SMURF2: variants seen among roughly 807,000 people sequenced by gnomAD.
The protein encoded by SMURF2 is SMAD specific E3 ubiquitin protein ligase 2, also known as E3 ubiquitin-protein ligase SMURF2.
Under a neutral mutation model 109.6 loss-of-function variants are expected in SMURF2, and 48 were observed. The ratio of observed to expected loss-of-function variants is 0.44; its 90% CI spans 0.35 to 0.56. The LOEUF is 0.56. Ranked by LOEUF, SMURF2 falls within the 20% of genes least tolerant of loss-of-function variation. The probability of loss-of-function intolerance (pLI) is 0.01; values close to 1 mark genes in which losing one functional copy is unlikely to be tolerated. For missense variants in SMURF2, 575 were observed against 909.0 expected, an observed-to-expected ratio of 0.63 and a Z score of 4.72; for synonymous variants, 288 against 317.1, an observed-to-expected ratio of 0.91 and a Z score of 0.97.
intron 1 of SMURF2, among the ~76,000 whole-genome samples, chr17:64,607,913 A>AGCCAAGATTGCACCACTGTACTAG (rs1568193425): frequency 6.6e-6 from 1 of 150,766 alleles, no homozygotes; most frequent in African/African-American, 2.4e-5. Context: ...GGAGGCTGCA[A>AGCCAAGATTGCACCACTGTACTAG]TGAGCCAAGA....
At chr17:64,646,578 T>A (rs1185953723) in intron 1 of SMURF2, among the ~76,000 whole-genome samples, 1 of 151,314 alleles carries the variant, frequency 6.6e-6, no homozygotes, top group African/African-American at 2.4e-5. Flanking sequence ...AGATGGAGTT[T>A]CACCATGTTG....
At chr17:64,633,083 C>A (rs896016191) in intron 1 of SMURF2, among the ~76,000 whole-genome samples, 1 of 152,146 alleles carries the variant, frequency 6.6e-6, no homozygotes, top group Non-Finnish European at 1.5e-5. Flanking sequence ...CCAGCCTGGG[C>A]AACCTGAGGA....
intron 8 of SMURF2, 42 bp from the exon 9 acceptor site, chr17:64,578,618 G>A (rs782554874): frequency 3.3e-5 from 45 of 1,373,588 alleles, no homozygotes; most frequent in Non-Finnish European, 4.5e-5. Flanking sequence ...CATTCAGAGT[G>A]TCCAGATCAA....
intron 10 of SMURF2, among the ~76,000 whole-genome samples, chr17:64,568,337 C>T (rs8080870): frequency 0.23 from 35,364 of 151,982 alleles, 8,579 homozygotes; most frequent in African/African-American, 0.62. Context: ...TTGGGCCACA[C>T]TGAAAGCCGT....
intron 16 of SMURF2, 25 bp downstream of exon 16, chr17:64,551,559 G>A: frequency 3.1e-6 from 5 of 1,608,370 alleles, no homozygotes; most frequent in Non-Finnish European, 4.3e-6. Context: ...TTACACTAGT[G>A]ATGTTATAAT....
chr17:64,615,436 C>G (rs1970108091), intron 1 of SMURF2, among the ~76,000 whole-genome samples: 1 of 152,186 alleles, frequency 6.6e-6, no homozygotes, highest in Non-Finnish European at 1.5e-5. Flanking sequence ...GGATAACATT[C>G]CTATACAAAT....
At chr17:64,557,558 A>C in intron 13 of SMURF2, 50 bp downstream of exon 13, 1 of 1,184,100 alleles carries the variant, frequency 8.4e-7, no homozygotes, top group Non-Finnish European at 1.2e-6. Flanking sequence ...TAACATGTAA[A>C]CATGAAAAGC....
chr17:64,644,596 CA>C (rs61408446), intron 1 of SMURF2, among the ~76,000 whole-genome samples: 112,618 of 129,326 alleles, frequency 0.87, 48,826 homozygotes, highest in East Asian at 0.98. Flanking sequence ...GACTCTGTCT[CA>C]AAAAAAAAAA....
Position 64,586,167 on chromosome 17 carries a change from CT to C in SMURF2, c.403del (p.Ser135ValfsTer8). On this transcript the variant is annotated frameshift_variant and splice_region_variant, in exon 6 of 19. Transcript: ENST00000262435. LOFTEE classifies it high-confidence loss of function. The part of the protein sequence containing the change: ...NDTVRGQIVV[S>X]LQSRDRIGTG... ...GCCTATTCGGTCTCTGGACTGAAGA[CT>C]TACTATTAAATGACAGAAATATTAC... 6.3e-7 allele frequency: 1 copy of C among 1,594,948 alleles called. No homozygotes were observed. Among genetic ancestry groups the C allele is most frequent in the Non-Finnish European group, 8.6e-7 (1 of 1,169,114 alleles).
chr17:64,621,765 T>C (rs1325936879), intron 1 of SMURF2, among the ~76,000 whole-genome samples: 1 of 151,294 alleles, frequency 6.6e-6, no homozygotes, highest in African/African-American at 2.4e-5. Flanking sequence ...TTCCAGCTAC[T>C]CAGGAGGCTG....
In SMURF2 at chr17:64,544,438, T is replaced by G. The variant is rs1968916319; in HGVS notation, c.*1410A>C. 1 of 132,100 alleles carries G rather than the reference T, an allele frequency of 7.6e-6. No homozygotes were observed. The highest frequency in any genetic ancestry group is 7.0e-5 in the Admixed American group (1 of 14,332). 8.2% of individuals were successfully genotyped at this position (132,100 alleles called of 1,614,324 possible). A position where few individuals can be genotyped will look rare whatever the true frequency, so the allele number is the denominator to read the frequency against. On this transcript the variant is annotated 3_prime_UTR_variant, in exon 19 of 19. Coordinates refer to ENST00000262435, the MANE Select transcript of SMURF2 (RefSeq NM_022739.4). ...ATCATGAAAATTTGCTTATTTCACA[T>G]CAATGTAAAAAAAAACTGATAGTAC...
At chr17:64,646,225 C>T (rs1411359452) in intron 1 of SMURF2, among the ~76,000 whole-genome samples, 2 of 151,650 alleles carry the variant, frequency 1.3e-5, no homozygotes, top group Non-Finnish European at 2.9e-5. Context: ...ACCACCATGC[C>T]CAACTAATTT....
At chr17:64,634,026 C>T (rs908720143) in intron 1 of SMURF2, among the ~76,000 whole-genome samples, 16 of 151,982 alleles carry the variant, frequency 1.1e-4, no homozygotes, top group Non-Finnish European at 1.9e-4. Context: ...TGGTGGTGCG[C>T]GCCTGTAATC....
At chr17:64,587,832 A>C (rs2144648501) in intron 5 of SMURF2, among the ~76,000 whole-genome samples, 1 of 152,296 alleles carries the variant, frequency 6.6e-6, no homozygotes, top group East Asian at 1.9e-4. Context: ...GCGTACCAAA[A>C]TACAATCATA....
chr17:64,656,903 C>A (rs1970713634), intron 1 of SMURF2, among the ~76,000 whole-genome samples: 1 of 152,006 alleles, frequency 6.6e-6, no homozygotes, highest in Non-Finnish European at 1.5e-5. Context: ...TGCAATGGTT[C>A]CCCCCACCTT....
At chr17:64,575,382 A>G (rs1480788031) in intron 9 of SMURF2, among the ~76,000 whole-genome samples, 1 of 151,920 alleles carries the variant, frequency 6.6e-6, no homozygotes, top group African/African-American at 2.4e-5. Context: ...CAAATTCCTG[A>G]CTTCAAGTGA....
intron 1 of SMURF2, among the ~76,000 whole-genome samples, chr17:64,629,871 G>A (rs1053805244): frequency 1.3e-5 from 2 of 152,154 alleles, no homozygotes; most frequent in Admixed American, 1.3e-4. Context: ...GACTGGTAGA[G>A]GAAAGAACTG....
In SMURF2 at chr17:64,621,924, T is replaced by TAAA. The variant is rs1440378468; in HGVS notation, c.53-15287_53-15285dup. Among the ~76,000 whole-genome samples the TAAA allele has an allele frequency of 2.6e-4, 37 of 141,774 alleles. No individual in the cohort carries two copies. The Middle Eastern group carries it at 0.011, about 42-fold the overall frequency. 93.0% of individuals were successfully genotyped at this position (141,774 alleles called of 152,430 possible). On this transcript the variant is annotated intron_variant, in intron 1 of 18. Coordinates refer to ENST00000262435, the MANE Select transcript of SMURF2 (RefSeq NM_022739.4). ...AAATAAATAATAATAATAATAATAA[T>TAAA]AAAAAGCACTGTAGTGAGCCATCAT...
At chr17:64,642,073 C>T (rs2144722977) in intron 1 of SMURF2, among the ~76,000 whole-genome samples, 1 of 152,356 alleles carries the variant, frequency 6.6e-6, no homozygotes. Context: ...TCCCGAAGTG[C>T]TGGGATTACA....
Sources: allele counts gnomAD v4.1 joint callset (sites outside exome capture counted in the v4.1 genomes callset), GRCh38; gene constraint gnomAD v4.1.1; transcripts MANE v1.5; gene names NCBI Gene and HGNC (gene_info 2026-07-23, HGNC 2026-07-21).